The following NTRK3 variants were observed in gnomAD, a reference collection of about 807,000 sequenced individuals.
NTRK3 encodes neurotrophic receptor tyrosine kinase 3.
NTRK3 carries 24 observed loss-of-function variants against 91.7 expected under a neutral mutation model. The observed-to-expected ratio is 0.26, with a 90% CI of 0.19 to 0.37. The LOEUF is 0.37. Among genes scored for constraint, NTRK3 ranks in the 10% least tolerant of loss-of-function variants. NTRK3 has a pLI of 1.00. For missense variants in NTRK3, 880 were observed against 1,068.9 expected (o/e 0.82, Z 2.46); for synonymous variants, 483 against 404.0 (o/e 1.20, Z -2.34).
At position 88,175,977 on chromosome 15, in the gene NTRK3, C is replaced by G. The variant is rs549428524; in HGVS notation, c.395+7441G>C. Among the ~76,000 whole-genome samples, 21 of 152,202 alleles carry G rather than the reference C, an allele frequency of 1.4e-4. No individual in the cohort carries two copies. The South Asian group carries it at 4.1e-3, about 30-fold the overall frequency. Reference sequence around the variant, plus strand: ...TGATGGAAGCTCTGAGCAAGAAGAACTGAATGAGAAGAAATCTCAAAGAGG... The same window carrying G: ...TGATGGAAGCTCTGAGCAAGAAGAAGTGAATGAGAAGAAATCTCAAAGAGG... On this transcript the variant is annotated intron_variant, in intron 5 of 18. Coordinates refer to ENST00000394480, the Ensembl canonical transcript of NTRK3.
intron 13 of NTRK3, among the ~76,000 whole-genome samples, chr15:88,077,873 C>G (rs1380669096): frequency 6.6e-6 from 1 of 152,172 alleles, no homozygotes; most frequent in Non-Finnish European, 1.5e-5. Context: ...ACACTGGCAC[C>G]AATAACCACA....
At chr15:87,929,931 G>C (rs74482762) in intron 16 of NTRK3, among the ~76,000 whole-genome samples, 2,527 of 152,262 alleles carry the variant, frequency 0.017, 38 homozygotes, top group Non-Finnish European at 0.023. Flanking sequence ...CAGGAAGTAG[G>C]ATCTGAAACC....
intron 14 of NTRK3, among the ~76,000 whole-genome samples, chr15:87,982,878 TG>T (rs143506671): frequency 0.17 from 25,496 of 152,226 alleles, 2,733 homozygotes; most frequent in African/African-American, 0.3. Context: ...GCTCTGGCCT[TG>T]GGATTCTGGA....
At chr15:87,996,877 G>A (rs961470277) in intron 14 of NTRK3, among the ~76,000 whole-genome samples, 2 of 152,192 alleles carry the variant, frequency 1.3e-5, no homozygotes, top group Admixed American at 6.5e-5. Flanking sequence ...TAAACTTTTA[G>A]TGTGTAGATG....
chr15:88,187,200 A>G (rs1401933879), intron 3 of NTRK3, among the ~76,000 whole-genome samples: 1 of 152,154 alleles, frequency 6.6e-6, no homozygotes, highest in Non-Finnish European at 1.5e-5. Flanking sequence ...TAAAAACCCC[A>G]TGTGGCAGAG....
At chr15:88,100,814 T>TG (rs2050096652) in intron 13 of NTRK3, among the ~76,000 whole-genome samples, 1 of 152,230 alleles carries the variant, frequency 6.6e-6, no homozygotes, top group African/African-American at 2.4e-5. Context: ...GCTAGCCATA[T>TG]GTAGAAAGCT....
chr15:88,017,418 C>T (rs1039286438), intron 14 of NTRK3, among the ~76,000 whole-genome samples: 5 of 152,238 alleles, frequency 3.3e-5, no homozygotes, highest in African/African-American at 1.2e-4. Flanking sequence ...CCCTTTGGTT[C>T]TTCCCCAGAG....
At chr15:87,920,602 G>T (rs925368639) in intron 17 of NTRK3, among the ~76,000 whole-genome samples, 3 of 152,214 alleles carry the variant, frequency 2.0e-5, no homozygotes, top group African/African-American at 7.2e-5. Flanking sequence ...TATGAAGATG[G>T]CTGCCCCAGA....
At chr15:88,114,956 ATTAT>A (rs546654727) in intron 13 of NTRK3, among the ~76,000 whole-genome samples, 50 of 152,286 alleles carry the variant, frequency 3.3e-4, no homozygotes, top group Admixed American at 1.8e-3. Context: ...TCTGTAAGTA[ATTAT>A]TTATTTATCA....
intron 3 of NTRK3, among the ~76,000 whole-genome samples, chr15:88,228,516 C>A (rs1232553160): frequency 6.6e-6 from 1 of 152,184 alleles, no homozygotes; most frequent in Non-Finnish European, 1.5e-5. Context: ...AATTGCTGCC[C>A]CTTCCAACTC....
chr15:88,181,012 C>T (rs1278697013), intron 5 of NTRK3, among the ~76,000 whole-genome samples: 1 of 152,198 alleles, frequency 6.6e-6, no homozygotes, highest in Non-Finnish European at 1.5e-5. Context: ...CTGGGCATCC[C>T]ACTGTGCCTA....
exon 19 of NTRK3, chr15:87,864,253 A>G (rs1469233830): frequency 4.3e-6 from 1 of 232,450 alleles, no homozygotes; most frequent in Non-Finnish European, 8.5e-6. Context: ...GAGAAAAATA[A>G]CATGAGTCAT....
At chr15:87,963,125 A>C (rs2072459600) in intron 14 of NTRK3, among the ~76,000 whole-genome samples, 1 of 152,152 alleles carries the variant, frequency 6.6e-6, no homozygotes, top group African/African-American at 2.4e-5. Context: ...GCTGTCCCTC[A>C]GGAGAATCCA....
At position 87,990,101 on chromosome 15, in the gene NTRK3, A is replaced by G. The variant is rs547972233; in HGVS notation, c.1585+42756T>C. ...TAATAATGACTTGGAGTCCTCCTAC[A>G]AGGGTAATACTGAGGGTAGAGTACA... is the stretch of plus-strand genomic sequence containing the variant. On this transcript the variant is annotated intron_variant, in intron 14 of 18. Transcript: ENST00000394480. Among the ~76,000 whole-genome samples, 10 of 152,244 alleles carry G rather than the reference A, an allele frequency of 6.6e-5. No individual in the cohort carries two copies. The East Asian group carries it at 1.9e-3, about 29-fold the overall frequency.
chr15:87,988,536 G>A (rs2075033012), intron 14 of NTRK3, among the ~76,000 whole-genome samples: 1 of 152,144 alleles, frequency 6.6e-6, no homozygotes, highest in African/African-American at 2.4e-5. Flanking sequence ...GGAATGCTCG[G>A]TACCACTGTT....
chr15:87,908,528 C>T, intron 17 of NTRK3: 1 of 399,556 alleles, frequency 2.5e-6, no homozygotes, highest in Non-Finnish European at 4.4e-6. Context: ...GCCGCTGCCA[C>T]ACCACACTGA....
At chr15:87,867,215 A>G (rs565122142) in exon 19 of NTRK3, 8 of 226,572 alleles carry the variant, frequency 3.5e-5, no homozygotes, top group Admixed American at 1.7e-4. Context: ...TGGCTGGGAG[A>G]ACGCACTTGT....
At chr15:88,203,007 G>T (rs1026746093) in intron 3 of NTRK3, among the ~76,000 whole-genome samples, 7 of 152,096 alleles carry the variant, frequency 4.6e-5, no homozygotes, top group Non-Finnish European at 8.8e-5. Context: ...ATGCTAGCTG[G>T]CTCCCAGTGG....
chr15:87,899,741 G>T (rs1385490758), intron 17 of NTRK3, among the ~76,000 whole-genome samples: 1 of 152,146 alleles, frequency 6.6e-6, no homozygotes, highest in Non-Finnish European at 1.5e-5. Flanking sequence ...CCAGGCAAAG[G>T]GTAGTCGGAT....
Sources: gnomAD v4.1 joint callset for allele counts (sites outside exome capture counted in the v4.1 genomes callset) on GRCh38, gnomAD v4.1.1 for gene constraint, MANE v1.5 for transcripts, NCBI Gene and HGNC (gene_info 2026-07-23, HGNC 2026-07-21) for gene names.